Variants in WASL observed in about 807,000 individuals in gnomAD.
WASL encodes the protein actin nucleation-promoting factor WASL.
A neutral mutation model predicts 55.5 loss-of-function variants in WASL; 20 were observed. The ratio of observed to expected loss-of-function variants is 0.36; its 90% CI spans 0.25 to 0.52. The LOEUF is 0.52. WASL is among the 20% of genes least tolerant of loss of function. The probability of loss-of-function intolerance (pLI) is 0.92; values close to 1 mark genes in which losing one functional copy is unlikely to be tolerated. For synonymous variants in WASL, 249 were observed against 217.6 expected (o/e 1.14, Z -1.27); for missense variants, 504 against 622.5 (o/e 0.81, Z 2.03).
intron 1 of WASL, among the ~76,000 whole-genome samples, chr7:123,738,367 C>G (rs1400801047): frequency 6.6e-6 from 1 of 152,204 alleles, no homozygotes; most frequent in African/African-American, 2.4e-5. Context: ...CCATCCTCTT[C>G]CAATGCTGCT....
At chr7:123,744,100 A>G (rs571309974) in intron 1 of WASL, among the ~76,000 whole-genome samples, 88 of 152,306 alleles carry the variant, frequency 5.8e-4, no homozygotes, top group Middle Eastern at 6.8e-3. Flanking sequence ...TCATCAATAC[A>G]ATGATCCCTC....
intron 1 of WASL, among the ~76,000 whole-genome samples, chr7:123,731,575 A>C (rs1804137212): frequency 6.6e-6 from 1 of 152,236 alleles, no homozygotes; most frequent in Non-Finnish European, 1.5e-5. Context: ...ACACCTTAAC[A>C]AATTTAAAAG....
chr7:123,726,213 T>G (rs1357658635), intron 1 of WASL, among the ~76,000 whole-genome samples: 2 of 152,118 alleles, frequency 1.3e-5, no homozygotes, highest in African/African-American at 4.8e-5. Context: ...ATAAGGTCAA[T>G]TATTATTAAA....
At chr7:123,736,871 G>A (rs991358015) in intron 1 of WASL, among the ~76,000 whole-genome samples, 1 of 151,844 alleles carries the variant, frequency 6.6e-6, no homozygotes, top group Non-Finnish European at 1.5e-5. Context: ...TAAAGCCTTA[G>A]AAAAAAACAC....
chr7:123,700,732 C>A (rs1375482465), intron 5 of WASL, among the ~76,000 whole-genome samples: 1 of 152,196 alleles, frequency 6.6e-6, no homozygotes, highest in Non-Finnish European at 1.5e-5. Context: ...GCCACCGTGC[C>A]CGGCCAACTA....
At chr7:123,693,237 T>C (rs940057318) in intron 8 of WASL, among the ~76,000 whole-genome samples, 2 of 152,232 alleles carry the variant, frequency 1.3e-5, no homozygotes, top group Non-Finnish European at 2.9e-5. Flanking sequence ...TACATTTTAA[T>C]AAAAATAAAT....
chr7:123,703,712 A>T (rs1803624649), intron 5 of WASL, among the ~76,000 whole-genome samples: 1 of 152,198 alleles, frequency 6.6e-6, no homozygotes, highest in Non-Finnish European at 1.5e-5. Context: ...TCTGTTTAAA[A>T]GAAACCCCAA....
At chr7:123,712,261 C>T (rs1420364522) in intron 1 of WASL, among the ~76,000 whole-genome samples, 4 of 151,940 alleles carry the variant, frequency 2.6e-5, no homozygotes, top group Admixed American at 6.6e-5. Context: ...TATTGATTTC[C>T]TAACCACTAA....
At chr7:123,735,490 T>C (rs1254982566) in intron 1 of WASL, among the ~76,000 whole-genome samples, 1 of 151,934 alleles carries the variant, frequency 6.6e-6, no homozygotes, top group Non-Finnish European at 1.5e-5. Context: ...CTGTAGTCCA[T>C]ATATTTTAAA....
intron 2 of WASL, among the ~76,000 whole-genome samples, chr7:123,707,704 A>T (rs948549339): frequency 1.3e-4 from 20 of 152,310 alleles, no homozygotes; most frequent in African/African-American, 4.8e-4. Context: ...TGCCATTTCT[A>T]AATAGTGCTT....
chr7:123,697,348 T>TTTTTTG (rs1803510425), intron 5 of WASL, among the ~76,000 whole-genome samples: 1 of 152,190 alleles, frequency 6.6e-6, no homozygotes, highest in Non-Finnish European at 1.5e-5. Context: ...CTTAAAGCAC[T>TTTTTTG]CATCTTGTGC....
chr7:123,718,563 T>C (rs1026968560), intron 1 of WASL, among the ~76,000 whole-genome samples: 5 of 152,106 alleles, frequency 3.3e-5, no homozygotes, highest in Non-Finnish European at 5.9e-5. Flanking sequence ...ATCCTTCATA[T>C]AACATTTTTT....
chr7:123,697,163 T>C (rs988255503), intron 5 of WASL, among the ~76,000 whole-genome samples: 1 of 152,170 alleles, frequency 6.6e-6, no homozygotes, highest in African/African-American at 2.4e-5. Context: ...CAAAGAAATA[T>C]AGCCTTAACT....
chr7:123,707,959 G>A (rs1472614025), intron 2 of WASL, among the ~76,000 whole-genome samples: 1 of 152,178 alleles, frequency 6.6e-6, no homozygotes, highest in Non-Finnish European at 1.5e-5. Context: ...CCTGAGGCAG[G>A]AGGATCACTT....
intron 1 of WASL, among the ~76,000 whole-genome samples, chr7:123,743,541 T>TAA (rs1804382592): frequency 6.6e-6 from 1 of 152,108 alleles, no homozygotes; most frequent in Non-Finnish European, 1.5e-5. Context: ...CACCTATAAT[T>TAA]AACTGACTTT....
chr7:123,708,937 A>T, intron 2 of WASL, 152 bp downstream of exon 2: 1 of 655,708 alleles, frequency 1.5e-6, no homozygotes, highest in Non-Finnish European at 2.3e-6. Context: ...TGATTTCCGT[A>T]TGCAATATCT....
chr7:123,685,827 T>C (rs1803278155), intron 10 of WASL, among the ~76,000 whole-genome samples: 1 of 148,158 alleles, frequency 6.7e-6, no homozygotes, highest in Non-Finnish European at 1.5e-5. Flanking sequence ...TGTATAAATA[T>C]ATACACCTAT....
At chr7:123,707,015 C>A (rs1226465463) in intron 2 of WASL, among the ~76,000 whole-genome samples, 189 bp from the exon 3 acceptor site, 1 of 152,124 alleles carries the variant, frequency 6.6e-6, no homozygotes, top group African/African-American at 2.4e-5. Flanking sequence ...ACTGAAAACA[C>A]TGGATAACGT....
intron 1 of WASL, among the ~76,000 whole-genome samples, chr7:123,718,579 G>A (rs565484792): frequency 1.3e-5 from 2 of 151,804 alleles, no homozygotes; most frequent in Non-Finnish European, 2.9e-5. Flanking sequence ...TTTTTTTTAA[G>A]AGAAAGGGTC....
Sources: allele counts gnomAD v4.1 joint callset (sites outside exome capture counted in the v4.1 genomes callset), GRCh38; gene constraint gnomAD v4.1.1; transcripts MANE v1.5; gene names NCBI Gene and HGNC (gene_info 2026-07-23, HGNC 2026-07-21).